The following ACACA variants were observed in gnomAD, a reference collection of about 807,000 sequenced individuals.
ACACA encodes the protein acetyl-CoA carboxylase 1.
In ACACA, 103 loss-of-function variants were observed where a neutral mutation model predicts 296.1. That is an observed-to-expected ratio of 0.35 (90% CI 0.30 to 0.41). The LOEUF is 0.41. Among genes scored for constraint, ACACA ranks in the 10% least tolerant of loss-of-function variants. The pLI is 1.00. For missense variants in ACACA, 1,554 were observed against 2,989.7 expected, an observed-to-expected ratio of 0.52 and a Z score of 11.20; for synonymous variants, 953 against 1,038.6, an observed-to-expected ratio of 0.92 and a Z score of 1.58.
intron 38 of ACACA, among the ~76,000 whole-genome samples, chr17:37,188,824 T>C (rs1230009309): frequency 6.6e-6 from 1 of 152,156 alleles, no homozygotes; most frequent in African/African-American, 2.4e-5. Context: ...AAGCCCCAAA[T>C]AAGAATAAAA....
At chr17:37,289,446 ACAAT>A in intron 3 of ACACA, 1 of 1,351,908 alleles carries the variant, frequency 7.4e-7, no homozygotes, top group Non-Finnish European at 9.8e-7. Flanking sequence ...TAAGTATGGC[ACAAT>A]CAAACATTTC....
At chr17:37,155,835 A>G in intron 42 of ACACA, 55 bp from the exon 43 acceptor site, 1 of 1,173,980 alleles carries the variant, frequency 8.5e-7, no homozygotes, top group Non-Finnish European at 1.3e-6. Context: ...TATAATCAGA[A>G]GATACAGCAA....
intron 1 of ACACA, among the ~76,000 whole-genome samples, chr17:37,342,454 TATATAC>T (rs1300523995): frequency 1.7e-5 from 2 of 114,422 alleles, no homozygotes; most frequent in Non-Finnish European, 3.3e-5. Context: ...TATATATATA[TATATAC>T]ACACACACAC....
chr17:37,269,725 A>AC (rs1456047246), intron 10 of ACACA, among the ~76,000 whole-genome samples: 1 of 151,188 alleles, frequency 6.6e-6, no homozygotes, highest in Non-Finnish European at 1.5e-5. Context: ...TTAACTCTTA[A>AC]CAGTGAAGCA....
At chr17:37,093,028 A>G (rs1567647403) in intron 54 of ACACA, among the ~76,000 whole-genome samples, 1 of 152,042 alleles carries the variant, frequency 6.6e-6, no homozygotes, top group Non-Finnish European at 1.5e-5. Context: ...ATCCCATCTC[A>G]GCTCCAGGCC....
At chr17:37,105,328 A>G (rs539705971) in intron 52 of ACACA, among the ~76,000 whole-genome samples, 2 of 152,294 alleles carry the variant, frequency 1.3e-5, no homozygotes, top group South Asian at 4.2e-4. Flanking sequence ...AACTTTTAAA[A>G]AAGTTATACT....
intron 3 of ACACA, among the ~76,000 whole-genome samples, chr17:37,298,260 G>T (rs1404601565): frequency 1.3e-5 from 2 of 152,150 alleles, no homozygotes; most frequent in Admixed American, 1.3e-4. Context: ...GAATGGAAAA[G>T]GATGATCTAA....
chr17:37,209,731 A>G (rs2078665435), intron 30 of ACACA, among the ~76,000 whole-genome samples: 1 of 152,238 alleles, frequency 6.6e-6, no homozygotes, highest in Non-Finnish European at 1.5e-5. Context: ...AGACCTTGCC[A>G]TCAACTTACT....
chr17:37,230,410 AT>A, intron 25 of ACACA, among the ~76,000 whole-genome samples: 1 of 151,588 alleles, frequency 6.6e-6, no homozygotes, highest in Non-Finnish European at 1.5e-5. Context: ...AAATAAATAA[AT>A]AAATAAATAA....
In ACACA at chr17:37,290,867, G is replaced by A. The variant is rs371961904; in HGVS notation, c.339-5897C>T. On this transcript the variant is annotated intron_variant, in intron 3 of 55. Coordinates refer to ENST00000616317, the MANE Select transcript of ACACA (RefSeq NM_198834.3). ...GGAGGCTGAGGTAGGTGGACCACGA[G>A]GTCAAGATATCAAGGCCATCCTGGC... 2.6e-5 allele frequency among the ~76,000 whole-genome samples: 4 copies of A among 152,044 alleles called. No individual in the cohort carries two copies. The East Asian group carries it at 5.8e-4, about 22-fold the overall frequency.
chr17:37,186,711 C>G (rs1245651619), intron 39 of ACACA, among the ~76,000 whole-genome samples: 1 of 151,966 alleles, frequency 6.6e-6, no homozygotes, highest in African/African-American at 2.4e-5. Flanking sequence ...TATGCAGGAC[C>G]CTAGGTAAAA....
At chr17:37,341,844 T>C (rs2048383792) in intron 1 of ACACA, among the ~76,000 whole-genome samples, 1 of 152,152 alleles carries the variant, frequency 6.6e-6, no homozygotes, top group African/African-American at 2.4e-5. Flanking sequence ...ATGAAAGCTA[T>C]GGACCTTTTC....
rs1299908484 is a variant in ACACA, at chr17:37,161,717, A to G, written c.5349+64T>C. 3.8e-6 allele frequency: 6 copies of G among 1,578,404 alleles called. No individual in the cohort carries two copies. In the African/African-American group the frequency reaches 6.7e-5, roughly 18 times the overall value. On this transcript the variant is annotated intron_variant, in intron 42 of 55. Coordinates refer to ENST00000616317, the MANE Select transcript of ACACA (RefSeq NM_198834.3). ...GAACTTAAACCTCTACCCTTCCCCC[A>G]CCTCTCCACACATGTAGCATAACCA...
chr17:37,348,786 A>G (rs1251777195), intron 1 of ACACA, among the ~76,000 whole-genome samples: 1 of 151,718 alleles, frequency 6.6e-6, no homozygotes, highest in East Asian at 1.9e-4. Context: ...CGTCTCTACT[A>G]AAAATACAAA....
At chr17:37,280,761 A>ACACACACACACACC (rs768423798) in intron 5 of ACACA, among the ~76,000 whole-genome samples, 1 of 150,774 alleles carries the variant, frequency 6.6e-6, no homozygotes, top group African/African-American at 2.4e-5. Flanking sequence ...ACACACACAC[A>ACACACACACACACC]CCCCAAAAAA....
rs780888575 is a variant in ACACA at position 37,192,070 on chromosome 17, C to T, written c.4416+20G>A. On this transcript the variant is annotated intron_variant, in intron 37 of 55. Transcript: ENST00000616317. ...GTCCCTTCCCTCAGGGATAACATCC[C>T]ATTAAAGTACAGCACCCACCTTGGT... 1.2e-5 allele frequency: 19 copies of T among 1,611,612 alleles called. No individual in the cohort carries two copies. The South Asian group carries it at 2.1e-4, about 18-fold the overall frequency.
chr17:37,206,726 CA>C (rs1170702492), intron 32 of ACACA, 56 bp downstream of exon 32: 1 of 1,340,896 alleles, frequency 7.5e-7, no homozygotes, highest in Non-Finnish European at 1.1e-6. Flanking sequence ...AGATAGTATA[CA>C]GTAGAAGTCC....
intron 1 of ACACA, chr17:37,386,082 T>C: frequency 6.2e-7 from 1 of 1,601,628 alleles, no homozygotes; most frequent in Non-Finnish European, 8.5e-7. Flanking sequence ...CTGCCCCTTC[T>C]ATAACTCCTG....
At chr17:37,385,936 GT>G in intron 1 of ACACA, 1 of 1,011,710 alleles carries the variant, frequency 9.9e-7, no homozygotes. Context: ...GCTGGGCAGG[GT>G]TTCATCAGAT....
Sources: gnomAD v4.1 joint callset for allele counts (sites outside exome capture counted in the v4.1 genomes callset) on GRCh38, gnomAD v4.1.1 for gene constraint, MANE v1.5 for transcripts, NCBI Gene and HGNC (gene_info 2026-07-23, HGNC 2026-07-21) for gene names.